Variants in ATRNL1 observed in about 807,000 individuals in gnomAD.
ATRNL1 encodes the protein attractin-like protein 1.
ATRNL1 carries 95 observed loss-of-function variants against 182.7 expected under a neutral mutation model. The ratio of observed to expected loss-of-function variants is 0.52; its 90% CI spans 0.44 to 0.62. The LOEUF (loss-of-function observed/expected upper bound fraction) is 0.62, where lower values mean the gene tolerates loss of function less well. Ranked by LOEUF, ATRNL1 falls within the 20% of genes least tolerant of loss-of-function variation. ATRNL1 has a pLI of 0.00. For synonymous variants in ATRNL1, 576 were observed against 568.3 expected (o/e 1.01, Z -0.19); for missense variants, 1,471 against 1,679.5 (o/e 0.88, Z 2.17).
chr10:115,315,077 G>A (rs1554929113), intron 17 of ATRNL1, among the ~76,000 whole-genome samples: 1 of 152,086 alleles, frequency 6.6e-6, no homozygotes, highest in Non-Finnish European at 1.5e-5. Flanking sequence ...TCAGGAAATG[G>A]GCAGACGTCA....
intron 7 of ATRNL1, among the ~76,000 whole-genome samples, chr10:115,168,349 T>G (rs1554884796): frequency 6.6e-6 from 1 of 152,102 alleles, no homozygotes; most frequent in Non-Finnish European, 1.5e-5. Context: ...TACATAGGGG[T>G]GGACTTACTG....
At chr10:115,360,498 A>G (rs1554943895) in intron 19 of ATRNL1, among the ~76,000 whole-genome samples, 1 of 151,692 alleles carries the variant, frequency 6.6e-6, no homozygotes, top group Non-Finnish European at 1.5e-5. Flanking sequence ...TCTCTTAACC[A>G]CAGTATAATT....
intron 21 of ATRNL1, among the ~76,000 whole-genome samples, chr10:115,441,394 C>A (rs569977376): frequency 1.3e-5 from 2 of 151,906 alleles, no homozygotes; most frequent in Non-Finnish European, 2.9e-5. Flanking sequence ...CCCACAACTC[C>A]ATAGACATTG....
Position 115,326,822 on chromosome 10 carries a change from A to G in ATRNL1, c.3038-7460A>G, listed in dbSNP as rs1241342774. Among the ~76,000 whole-genome samples the G allele has an allele frequency of 8.1e-4, 124 of 152,294 alleles. 2 individuals carry two copies. In the South Asian group the frequency reaches 0.025, roughly 30 times the overall value. On this transcript the variant is annotated intron_variant, in intron 18 of 28. Coordinates refer to ENST00000355044, the MANE Select transcript of ATRNL1 (RefSeq NM_207303.4). ...GATCTTTGACAAACCTGAGAAAAAC[A>G]AGCAATGGGGAAAGGATTCCCTATT...
At chr10:115,322,719 G>A (rs185564995) in intron 18 of ATRNL1, among the ~76,000 whole-genome samples, 1 of 151,954 alleles carries the variant, frequency 6.6e-6, no homozygotes, top group African/African-American at 2.4e-5. Flanking sequence ...TAATATTTAG[G>A]AATGTCATTA....
intron 26 of ATRNL1, among the ~76,000 whole-genome samples, chr10:115,642,068 T>C (rs1484253863): frequency 6.6e-6 from 1 of 152,120 alleles, no homozygotes; most frequent in Non-Finnish European, 1.5e-5. Flanking sequence ...CTAGAGATTT[T>C]AGTATTATAA....
chr10:115,937,252 TATG>T (rs1302383283), intron 28 of ATRNL1, among the ~76,000 whole-genome samples: 2 of 152,186 alleles, frequency 1.3e-5, no homozygotes, highest in African/African-American at 4.8e-5. Flanking sequence ...TGTAAAATAT[TATG>T]ATATGTTAAA....
intron 17 of ATRNL1, among the ~76,000 whole-genome samples, chr10:115,314,007 G>A (rs1175235431): frequency 6.6e-6 from 1 of 152,126 alleles, no homozygotes; most frequent in Non-Finnish European, 1.5e-5. Context: ...ACAAAACTAA[G>A]GAGGGACATG....
At chr10:115,682,669 T>TATG (rs144515513) in intron 26 of ATRNL1, among the ~76,000 whole-genome samples, 4,825 of 150,058 alleles carry the variant, frequency 0.032, 146 homozygotes, top group East Asian at 0.19. Context: ...AGATAATACA[T>TATG]ATGATGATGA....
intron 19 of ATRNL1, among the ~76,000 whole-genome samples, chr10:115,377,763 T>C (rs1554949950): frequency 6.6e-6 from 1 of 152,122 alleles, no homozygotes; most frequent in African/African-American, 2.4e-5. Context: ...GAAATTATGG[T>C]TGAATGGAAT....
At chr10:115,867,721 AC>A (rs1212346058) in intron 28 of ATRNL1, among the ~76,000 whole-genome samples, 1 of 136,234 alleles carries the variant, frequency 7.3e-6, no homozygotes, top group Non-Finnish European at 1.5e-5. Flanking sequence ...GAATGTGGCC[AC>A]CCTGTGAATT....
At chr10:115,113,506 A>G (rs7900110) in intron 1 of ATRNL1, among the ~76,000 whole-genome samples, 3,804 of 152,006 alleles carry the variant, frequency 0.025, 160 homozygotes, top group African/African-American at 0.086. Flanking sequence ...CTGGTGGGAG[A>G]TAATTGAATC....
At chr10:115,827,879 C>T (rs1950472715) in intron 27 of ATRNL1, among the ~76,000 whole-genome samples, 1 of 152,106 alleles carries the variant, frequency 6.6e-6, no homozygotes, top group African/African-American at 2.4e-5. Flanking sequence ...GGGGCTGTCT[C>T]TGAAGGCAGT....
chr10:115,387,725 A>AT (rs1316640423), intron 19 of ATRNL1, among the ~76,000 whole-genome samples: 1 of 152,020 alleles, frequency 6.6e-6, no homozygotes, highest in Non-Finnish European at 1.5e-5. Context: ...TTCACTGCAT[A>AT]TTTTTTTAAG....
intron 26 of ATRNL1, among the ~76,000 whole-genome samples, chr10:115,649,831 G>T (rs1427911873): frequency 6.6e-6 from 1 of 152,134 alleles, no homozygotes; most frequent in African/African-American, 2.4e-5. Context: ...TTAGGAAGCA[G>T]TTAAGTGGAG....
intron 28 of ATRNL1, among the ~76,000 whole-genome samples, chr10:115,891,072 T>A (rs1337854772): frequency 7.2e-5 from 11 of 151,974 alleles, no homozygotes; most frequent in African/African-American, 2.7e-4. Context: ...ACAGACATTT[T>A]ATTTTGTAAA....
At chr10:115,676,268 A>G (rs1347591320) in intron 26 of ATRNL1, among the ~76,000 whole-genome samples, 1 of 152,042 alleles carries the variant, frequency 6.6e-6, no homozygotes, top group Non-Finnish European at 1.5e-5. Context: ...AGAAAACAAA[A>G]AGAACTTTCA....
At chr10:115,407,476 A>T (rs183011680) in intron 20 of ATRNL1, among the ~76,000 whole-genome samples, 3 of 152,138 alleles carry the variant, frequency 2.0e-5, no homozygotes, top group East Asian at 3.9e-4. Context: ...GTCTAAAGAC[A>T]TGCAGTGTTT....
chr10:115,366,524 A>G (rs1211785838), intron 19 of ATRNL1, among the ~76,000 whole-genome samples: 48 of 151,378 alleles, frequency 3.2e-4, no homozygotes, highest in Non-Finnish European at 6.2e-4. Context: ...TTACATTTAA[A>G]CTTAATATTG....
Sources: gnomAD v4.1 joint callset for allele counts (sites outside exome capture counted in the v4.1 genomes callset) on GRCh38, gnomAD v4.1.1 for gene constraint, MANE v1.5 for transcripts, NCBI Gene and HGNC (gene_info 2026-07-23, HGNC 2026-07-21) for gene names.